Variants in CUX1 observed in about 807,000 individuals in gnomAD.
CUX1 encodes protein CASP.
A neutral mutation model predicts 158.8 loss-of-function variants in CUX1; 31 were observed. The observed-to-expected ratio is 0.20, with a 90% CI of 0.15 to 0.26. The LOEUF (loss-of-function observed/expected upper bound fraction) is 0.26. Ranked by LOEUF, CUX1 falls within the 10% of genes least tolerant of loss-of-function variation. The probability of loss-of-function intolerance (pLI) is 1.00; values close to 1 mark genes in which losing one functional copy is unlikely to be tolerated. For synonymous variants in CUX1, 879 were observed against 862.1 expected, an observed-to-expected ratio of 1.02 and a Z score of -0.34; for missense variants, 1,589 against 2,014.6, an observed-to-expected ratio of 0.79 and a Z score of 4.04.
chr7:102,255,361 T>C lies in CUX1; in HGVS notation c.*6319T>C. 1 of 976,756 alleles carries C rather than the reference T, an allele frequency of 1.0e-6. No homozygotes were observed. Among genetic ancestry groups the C allele is most frequent in the Non-Finnish European group, 1.2e-6 (1 of 828,614 alleles). The allele number at this position is 976,756 out of a possible 1,614,324, so 60.5% of individuals were successfully genotyped here. ...TCCTCCAAAATGCTAACTTTAAAAG[T>C]TGGGCATTGTAGGCGAAAAATCCCA... is the stretch of plus-strand genomic sequence containing the variant. On this transcript the variant is annotated 3_prime_UTR_variant, in exon 24 of 24. Coordinates refer to ENST00000292535, the MANE Select transcript of CUX1 (RefSeq NM_181552.4).
rs71106571 is a variant in CUX1, at chr7:101,852,667, A to ATT, written c.30+35023_30+35024dup. The stretch of plus-strand genomic sequence containing the variant: ...GTTTTCTTCTGTTCTCTGCGTTGGA[A>ATT]TTTTTTTTTTTTTTTTTTTTTTTTT... On this transcript the variant is annotated intron_variant, in intron 1 of 23. Coordinates refer to ENST00000292535, the MANE Select transcript of CUX1 (RefSeq NM_181552.4). Among the ~76,000 whole-genome samples the ATT allele has an allele frequency of 1.5e-3, 113 of 76,034 alleles. 2 individuals carry two copies. The highest frequency in any genetic ancestry group is 4.0e-3 in the African/African-American group (94 of 23,276). The allele number at this position is 76,034 out of a possible 152,430, so 49.9% of individuals were successfully genotyped here. A position where few individuals can be genotyped will look rare whatever the true frequency, so the allele number is the denominator to read the frequency against.
intron 11 of CUX1, among the ~76,000 whole-genome samples, chr7:102,183,852 A>T (rs1198624776): frequency 6.6e-6 from 1 of 152,238 alleles, no homozygotes; most frequent in Non-Finnish European, 1.5e-5. Context: ...AACCTGGAAG[A>T]CATGACCTTT....
chr7:102,252,779 G>A lies in CUX1; in HGVS notation c.*3737G>A. On this transcript the variant is annotated 3_prime_UTR_variant, in exon 24 of 24. Transcript: ENST00000292535. ...AACCTCCTCTTGAACTTCTGTATCAGTGAAGACATCTGTGGTTTCTGCTCA... is the reference window on the plus strand; with the variant it reads ...AACCTCCTCTTGAACTTCTGTATCAATGAAGACATCTGTGGTTTCTGCTCA... 2.0e-6 allele frequency: 2 copies of A among 985,488 alleles called. No homozygotes were observed. Among genetic ancestry groups the A allele is most frequent in the Non-Finnish European group, 2.4e-6 (2 of 830,004 alleles). 61.0% of individuals were successfully genotyped at this position (985,488 alleles called of 1,614,324 possible). A position where few individuals can be genotyped will look rare whatever the true frequency, so the allele number is the denominator to read the frequency against.
intron 2 of CUX1, among the ~76,000 whole-genome samples, chr7:101,984,496 CA>C (rs569101693): frequency 0.19 from 21,415 of 111,668 alleles, 1,901 homozygotes; most frequent in Middle Eastern, 0.26. Flanking sequence ...TGTTCTCCGG[CA>C]AAAAAAAAAA....
chr7:102,196,724 C>T lies in CUX1; in HGVS notation c.1313C>T (p.Pro438Leu), dbSNP rs1554518441. The T allele has an allele frequency of 1.2e-6, 2 of 1,612,412 alleles. No individual in the cohort carries two copies. Among genetic ancestry groups the T allele is most frequent in the Non-Finnish European group, 1.7e-6 (2 of 1,178,820 alleles). ...CCTCCTTCTCAGTTGCCCCGCAACC[C>T]GGGGGAGCAGGCTTCCAATACTAAT... ...APPPSQLPRN[P>L]GEQASNTNGT... Residue 438 changes from proline to leucine, a missense_variant, in exon 15 of 24, where the codon CCG becomes CTG. Physicochemically the swap from Pro to Leu is moderately conservative, Grantham distance 98. Coordinates refer to ENST00000292535, the MANE Select transcript of CUX1 (RefSeq NM_181552.4).
At chr7:102,149,036 G>A (rs951868686) in intron 8 of CUX1, among the ~76,000 whole-genome samples, 3 of 152,042 alleles carry the variant, frequency 2.0e-5, no homozygotes, top group South Asian at 2.1e-4. Context: ...GTATTCTGTC[G>A]TGAGATAAGA....
intron 14 of CUX1, chr7:102,273,351 T>C (rs1183474033): frequency 6.2e-7 from 1 of 1,610,172 alleles, no homozygotes; most frequent in South Asian, 1.1e-5. Flanking sequence ...CGGCCATGTC[T>C]TCCTTTGGCC....
At chr7:102,093,994 C>T (rs1015004034) in intron 4 of CUX1, among the ~76,000 whole-genome samples, 2 of 152,148 alleles carry the variant, frequency 1.3e-5, no homozygotes, top group Non-Finnish European at 2.9e-5. Context: ...ACCTGACAAT[C>T]CTTGTGTGGG....
At chr7:102,009,889 T>G (rs1411956568) in intron 2 of CUX1, among the ~76,000 whole-genome samples, 1 of 152,236 alleles carries the variant, frequency 6.6e-6, no homozygotes, top group Admixed American at 6.5e-5. Context: ...AGGCATAATT[T>G]CAGTGAGCCT....
intron 14 of CUX1, among the ~76,000 whole-genome samples, chr7:102,266,203 C>CAA (rs34666659): frequency 8.3e-4 from 84 of 100,932 alleles, no homozygotes; most frequent in Middle Eastern, 5.7e-3. Flanking sequence ...GACTCCGTTT[C>CAA]AAAAAAAAAA....
At position 102,021,041 on chromosome 7, in the gene CUX1, T is replaced by C. The variant is rs1276560520; in HGVS notation, c.142-7057T>C. ...CTAAGGGTCCCCACCTCTAGCACCA[T>C]TGGCAACAACCTTGTGAGAGTCAGA... On this transcript the variant is annotated intron_variant, in intron 2 of 23. Coordinates refer to ENST00000292535, the MANE Select transcript of CUX1 (RefSeq NM_181552.4). Among the ~76,000 whole-genome samples, 4 of 152,170 alleles carry C rather than the reference T, an allele frequency of 2.6e-5. No individual in the cohort carries two copies. The East Asian group carries it at 7.7e-4, about 29-fold the overall frequency.
downstream of CUX1, among the ~76,000 whole-genome samples, chr7:102,261,135 G>T (rs932984287): frequency 5.9e-5 from 9 of 152,172 alleles, no homozygotes; most frequent in Admixed American, 2.0e-4. Flanking sequence ...CCTGGGCCCA[G>T]CCTTAGGCAG....
At chr7:102,242,567 A>G (rs542805189) in intron 23 of CUX1, among the ~76,000 whole-genome samples, 4 of 152,184 alleles carry the variant, frequency 2.6e-5, no homozygotes, top group Admixed American at 6.5e-5. Context: ...CCTGCAATTC[A>G]CATCCATTTT....
intron 2 of CUX1, among the ~76,000 whole-genome samples, chr7:102,005,938 A>G (rs1306078799): frequency 6.6e-6 from 1 of 152,228 alleles, no homozygotes; most frequent in South Asian, 2.1e-4. Context: ...CTAAAGAGAA[A>G]GGTCACGAGG....
rs79024425 is a variant in CUX1, at chr7:101,897,729, A to G, written c.31-18386A>G. Among the ~76,000 whole-genome samples, 786 of 152,120 alleles carry G rather than the reference A, an allele frequency of 5.2e-3. 6 individuals are homozygous for G. Among genetic ancestry groups the G allele is most frequent in the African/African-American group, 0.018 (751 of 41,488 alleles). ...ACCAGTCTGATATTATCATCCCCAA[A>G]TCTTTATAGTTTCAGCTCTTGGGAT... is the stretch of plus-strand genomic sequence containing the variant. On this transcript the variant is annotated intron_variant, in intron 1 of 23. Coordinates refer to ENST00000292535, the MANE Select transcript of CUX1 (RefSeq NM_181552.4).
intron 1 of CUX1, among the ~76,000 whole-genome samples, chr7:101,863,660 T>A (rs1797685533): frequency 6.6e-6 from 1 of 152,198 alleles, no homozygotes; most frequent in Non-Finnish European, 1.5e-5. Flanking sequence ...CAGGGCTCTT[T>A]TTATATTGCA....
intron 2 of CUX1, among the ~76,000 whole-genome samples, chr7:102,027,242 G>A (rs930321879): frequency 5.3e-5 from 8 of 152,026 alleles, no homozygotes; most frequent in East Asian, 1.9e-4. Flanking sequence ...AACATTAGCC[G>A]GGCGCCTGTA....
Position 102,201,025 on chromosome 7 carries a change from T to TAAAAAAAAAAAAAAAA in CUX1, c.2063-321_2063-306dup, listed in dbSNP as rs78359248. Among the ~76,000 whole-genome samples, 31 of 42,140 alleles carry TAAAAAAAAAAAAAAAA rather than the reference T, an allele frequency of 7.4e-4. 1 individual carries two copies. Among genetic ancestry groups the TAAAAAAAAAAAAAAAA allele is most frequent in the African/African-American group, 3.1e-3 (30 of 9,698 alleles). 27.6% of individuals were successfully genotyped at this position (42,140 alleles called of 152,430 possible). On this transcript the variant is annotated intron_variant, in intron 17 of 23. Coordinates refer to ENST00000292535, the MANE Select transcript of CUX1 (RefSeq NM_181552.4). This position sits in a 1 kb window ranked among gnomAD's most constrained non-coding sequence, Gnocchi z 5.0. ...CTGGACAACAGCGAGATCCTGTCGCTAAAAAAAAAAAAAAAAAAAAAAAAA... is the reference window on the plus strand; with the variant it reads ...CTGGACAACAGCGAGATCCTGTCGCTAAAAAAAAAAAAAAAAAAAAAAAAAAAAAAAAAAAAAAAAA...
intron 14 of CUX1, among the ~76,000 whole-genome samples, chr7:102,272,375 C>T (rs1423114928): frequency 6.6e-6 from 1 of 152,214 alleles, no homozygotes; most frequent in Admixed American, 6.5e-5. Flanking sequence ...CAGCCTGCAG[C>T]CTTTGTGCAT....
Sources: allele counts gnomAD v4.1 joint callset (sites outside exome capture counted in the v4.1 genomes callset), GRCh38; gene constraint gnomAD v4.1.1; non-coding constraint Gnocchi (gnomAD v3.1); transcripts MANE v1.5; gene names NCBI Gene and HGNC (gene_info 2026-07-23, HGNC 2026-07-21).